Variants in GLI2 observed in about 807,000 individuals in gnomAD.
GLI2 encodes GLI family zinc finger 2.
GLI2 carries 22 observed loss-of-function variants against 78.9 expected under a neutral mutation model. The ratio of observed to expected loss-of-function variants is 0.28; its 90% CI spans 0.20 to 0.40. The LOEUF (loss-of-function observed/expected upper bound fraction) is 0.40, where lower values mean the gene tolerates loss of function less well. Ranked by LOEUF, GLI2 falls within the 10% of genes least tolerant of loss-of-function variation. The pLI is 1.00. For missense variants in GLI2, 2,097 were observed against 2,213.2 expected, an observed-to-expected ratio of 0.95 and a Z score of 1.05; for synonymous variants, 974 against 963.7, an observed-to-expected ratio of 1.01 and a Z score of -0.20.
At chr2:120,764,754 A>G (rs1683317986) in intron 1 of GLI2, among the ~76,000 whole-genome samples, 1 of 152,234 alleles carries the variant, frequency 6.6e-6, no homozygotes, top group African/African-American at 2.4e-5. Context: ...GACTCTGAAA[A>G]ATCCTGAAGT....
At chr2:120,854,364 C>T (rs1350245735) in intron 2 of GLI2, among the ~76,000 whole-genome samples, 1 of 152,180 alleles carries the variant, frequency 6.6e-6, no homozygotes, top group Non-Finnish European at 1.5e-5. Context: ...GAGGGTCTGC[C>T]TGCCAGTTCC....
intron 3 of GLI2, among the ~76,000 whole-genome samples, chr2:120,938,678 A>T (rs1462038786): frequency 6.6e-6 from 1 of 152,228 alleles, no homozygotes; most frequent in East Asian, 1.9e-4. Context: ...TGCAGGTCGC[A>T]TATATGGGAT....
chr2:120,884,748 C>T (rs1677313434), intron 2 of GLI2, among the ~76,000 whole-genome samples: 1 of 152,206 alleles, frequency 6.6e-6, no homozygotes, highest in Non-Finnish European at 1.5e-5. Flanking sequence ...CTAGAGTGGG[C>T]AGCACGGAGC....
chr2:120,879,070 G>A (rs1208062100), intron 2 of GLI2, among the ~76,000 whole-genome samples: 3 of 152,152 alleles, frequency 2.0e-5, no homozygotes, highest in African/African-American at 4.8e-5. Flanking sequence ...TGCCCCGTGG[G>A]GTTTGGAATG....
intron 3 of GLI2, among the ~76,000 whole-genome samples, chr2:120,941,785 C>G (rs1370940225): frequency 6.6e-6 from 1 of 152,210 alleles, no homozygotes; most frequent in African/African-American, 2.4e-5. Context: ...CATCTTGGCC[C>G]AAAGGCAGGG....
rs778880428 is a variant in GLI2 at position 120,988,696 on chromosome 2, C to A, written c.2731C>A (p.Pro911Thr). ...GCTGGACGCGCCCGAGCGCACGCTGCCCGCCGGCTGCCCACGCCCACTGGG... is the reference window on the plus strand; with the variant it reads ...GCTGGACGCGCCCGAGCGCACGCTGACCGCCGGCTGCCCACGCCCACTGGG... ...ALLDAPERTLPAGCPRPLGPR... is the reference protein window; with the variant it reads ...ALLDAPERTLTAGCPRPLGPR... The change falls in exon 14 of 14, where the codon CCC (proline) becomes ACC (threonine). Residue 911 changes from proline (P) to threonine (T), a missense_variant. Physicochemically the swap from Pro to Thr is conservative, Grantham distance 38. This residue lies in a region of GLI2 where 1,290 missense variants were observed against 1,261.7 expected (regional missense o/e 1.02). Transcript: ENST00000361492. The A allele has an allele frequency of 1.1e-5, 14 of 1,254,258 alleles. No individual in the cohort carries two copies. The South Asian group carries it at 2.8e-4, about 25-fold the overall frequency. 77.7% of individuals were successfully genotyped at this position (1,254,258 alleles called of 1,614,324 possible).
At chr2:120,922,445 G>C (rs751216864) in intron 2 of GLI2, among the ~76,000 whole-genome samples, 6 of 152,156 alleles carry the variant, frequency 3.9e-5, no homozygotes, top group Non-Finnish European at 8.8e-5. Flanking sequence ...GCTGCATGCT[G>C]GGTGCTGGGC....
At chr2:120,841,889 G>GTGTGT (rs1558827926) in intron 2 of GLI2, among the ~76,000 whole-genome samples, 3 of 149,944 alleles carry the variant, frequency 2.0e-5, no homozygotes, top group Non-Finnish European at 3.0e-5. Context: ...GTGTGTGTGT[G>GTGTGT]ATGCTGGGCT....
intron 1 of GLI2, among the ~76,000 whole-genome samples, chr2:120,784,600 C>A (rs528602715): frequency 6.6e-6 from 1 of 152,186 alleles, no homozygotes; most frequent in Non-Finnish European, 1.5e-5. Context: ...GGTAAGCACA[C>A]CCTTCCAGTC....
chr2:120,871,101 G>A (rs1401455414), intron 2 of GLI2, among the ~76,000 whole-genome samples: 1 of 152,220 alleles, frequency 6.6e-6, no homozygotes. Flanking sequence ...GGAGAATAAG[G>A]CAGTCCTTTT....
chr2:120,844,344 TTTGA>T (rs1401444251), intron 2 of GLI2, among the ~76,000 whole-genome samples: 1 of 152,224 alleles, frequency 6.6e-6, no homozygotes, highest in Admixed American at 6.5e-5. Flanking sequence ...TAATCCTTAC[TTTGA>T]TTGCCTAATG....
At chr2:120,913,229 C>T (rs1409305517) in intron 2 of GLI2, among the ~76,000 whole-genome samples, 1 of 152,140 alleles carries the variant, frequency 6.6e-6, no homozygotes, top group Non-Finnish European at 1.5e-5. Context: ...CTGAGCTGTT[C>T]AGTAGGGTAG....
At chr2:120,746,488 C>T (rs570426330) in intron 1 of GLI2, among the ~76,000 whole-genome samples, 1 of 152,322 alleles carries the variant, frequency 6.6e-6, no homozygotes, top group East Asian at 1.9e-4. Flanking sequence ...CCTGTGGGTG[C>T]CTCTGGTTTT....
intron 2 of GLI2, among the ~76,000 whole-genome samples, chr2:120,903,452 C>T (rs1394942882): frequency 6.6e-6 from 1 of 152,156 alleles, no homozygotes; most frequent in Non-Finnish European, 1.5e-5. Context: ...CCTGAGAGCC[C>T]CCAGGCAGGC....
chr2:120,942,416 C>G (rs1395926869), intron 3 of GLI2, among the ~76,000 whole-genome samples: 1 of 152,190 alleles, frequency 6.6e-6, no homozygotes, highest in Non-Finnish European at 1.5e-5. Context: ...GTCTCCCTGT[C>G]GCATGGCCAT....
chr2:120,951,255 C>T lies in GLI2; in HGVS notation c.267C>T (p.Leu89=), dbSNP rs1680971840. The change falls in exon 4 of 14, where the codon CTC becomes CTT. Residue 89 remains leucine, a synonymous_variant. Coordinates refer to ENST00000361492, the MANE Select transcript of GLI2 (RefSeq NM_001374353.1). ...SVHGVHGPPA[L]SGSPVISDIS... ...ATTGTCTCTGCAGGCCCCCTGCCCTCAGCGGCAGCCCTGTCATCTCTGACA... is the reference window on the plus strand; with the variant it reads ...ATTGTCTCTGCAGGCCCCCTGCCCTTAGCGGCAGCCCTGTCATCTCTGACA... The T allele has an allele frequency of 6.2e-7, 1 of 1,607,812 alleles. No homozygotes were observed. The highest frequency in any genetic ancestry group is 1.3e-5 in the African/African-American group (1 of 74,942).
chr2:120,805,091 A>G (rs369073519), intron 2 of GLI2, among the ~76,000 whole-genome samples: 3 of 152,262 alleles, frequency 2.0e-5, no homozygotes, highest in Admixed American at 1.3e-4. Context: ...AAATGTCCAC[A>G]TAACGGAAAC....
chr2:120,802,597 G>T (rs1333549883), intron 2 of GLI2, among the ~76,000 whole-genome samples: 1 of 152,100 alleles, frequency 6.6e-6, no homozygotes, highest in Non-Finnish European at 1.5e-5. Flanking sequence ...CTCCACTGTG[G>T]GTTCTCTTTC....
chr2:120,842,058 C>CAAAAAAAA (rs571517244), intron 2 of GLI2, among the ~76,000 whole-genome samples: 1 of 74,528 alleles, frequency 1.3e-5, no homozygotes. Flanking sequence ...TTTGTCAACT[C>CAAAAAAAA]AAAAAAAAAA....
Sources: gnomAD v4.1 joint callset for allele counts (sites outside exome capture counted in the v4.1 genomes callset) on GRCh38, gnomAD v4.1.1 for gene constraint, gnomAD v4.1.1 regional missense constraint, MANE v1.5 for transcripts, NCBI Gene and HGNC (gene_info 2026-07-23, HGNC 2026-07-21) for gene names.